Variants in SH3D19 observed in about 807,000 individuals in gnomAD.
The protein encoded by SH3D19 is SH3 domain containing 19.
Under a neutral mutation model 112.1 loss-of-function variants are expected in SH3D19, and 58 were observed. The ratio of observed to expected loss-of-function variants is 0.52; its 90% CI spans 0.42 to 0.64. The LOEUF (loss-of-function observed/expected upper bound fraction) is 0.64. SH3D19 is among the 30% of genes least tolerant of loss of function. The pLI, the probability that SH3D19 is intolerant of heterozygous loss-of-function variation, is 0.00. For synonymous variants in SH3D19, 391 were observed against 448.5 expected (o/e 0.87, Z 1.62); for missense variants, 1,090 against 1,263.4 (o/e 0.86, Z 2.08).
chr4:151,152,516 C>CTT lies in SH3D19; in HGVS notation c.1756-2957_1756-2956dup, dbSNP rs1177292502. ...CAGTTTTTTGCTATTCTCTCTCTCT[C>CTT]TTTTTTTTTTTTTTTTTTTCTGAGA... On this transcript the variant is annotated intron_variant, in intron 9 of 19. Coordinates refer to ENST00000604030, the MANE Select transcript of SH3D19 (RefSeq NM_001378122.1). Among the ~76,000 whole-genome samples the CTT allele has an allele frequency of 6.2e-3, 783 of 127,134 alleles. 9 individuals carry two copies. Among genetic ancestry groups the CTT allele is most frequent in the African/African-American group, 0.013 (409 of 31,612 alleles). The allele number at this position is 127,134 out of a possible 152,430, so 83.4% of individuals were successfully genotyped here. A position where few individuals can be genotyped will look rare whatever the true frequency, so the allele number is the denominator to read the frequency against.
At chr4:151,291,048 C>A in intron 1 of SH3D19, 1 of 1,221,920 alleles carries the variant, frequency 8.2e-7, no homozygotes, top group Non-Finnish European at 1.1e-6. Context: ...AAGAATTCTC[C>A]ACCCCTTATT....
chr4:151,279,187 AG>A, intron 1 of SH3D19: 38 of 304,748 alleles, frequency 1.2e-4, no homozygotes, highest in South Asian at 1.8e-4. Context: ...ACAGGTCACC[AG>A]CACACTAGAG....
At chr4:151,153,414 T>C (rs1008343487) in intron 9 of SH3D19, among the ~76,000 whole-genome samples, 1 of 151,644 alleles carries the variant, frequency 6.6e-6, no homozygotes, top group Non-Finnish European at 1.5e-5. Context: ...ACCTGGCTAA[T>C]TTTGTATTTT....
intron 3 of SH3D19, among the ~76,000 whole-genome samples, chr4:151,183,910 C>T (rs1761328237): frequency 6.6e-6 from 1 of 152,322 alleles, no homozygotes; most frequent in South Asian, 2.1e-4. Context: ...CTTAACCTTT[C>T]TGGGACTCAG....
At chr4:151,184,000 C>T (rs12500168) in intron 3 of SH3D19, among the ~76,000 whole-genome samples, 132,164 of 152,186 alleles carry the variant, frequency 0.87, 58,123 homozygotes, top group Non-Finnish European at 0.95. Context: ...GTTCCTGACT[C>T]ATGGTAGGTA....
intron 1 of SH3D19, among the ~76,000 whole-genome samples, chr4:151,294,644 G>A (rs1056433641): frequency 2.0e-5 from 3 of 152,192 alleles, no homozygotes; most frequent in African/African-American, 4.8e-5. Context: ...GTATGTCTAC[G>A]TGCATTCAAC....
chr4:151,234,389 T>C (rs571589339), intron 1 of SH3D19, among the ~76,000 whole-genome samples: 132 of 152,300 alleles, frequency 8.7e-4, no homozygotes, highest in Middle Eastern at 6.8e-3. Context: ...CCCTTTTCAC[T>C]GCAGGGTGAA....
At chr4:151,155,692 C>A (rs1755971558) in intron 9 of SH3D19, among the ~76,000 whole-genome samples, 2 of 152,072 alleles carry the variant, frequency 1.3e-5, no homozygotes, top group South Asian at 4.1e-4. Context: ...TCAAGACCAG[C>A]CTGGCCAACA....
At chr4:151,131,570 T>A (rs1393949810) in intron 17 of SH3D19, among the ~76,000 whole-genome samples, 1 of 150,984 alleles carries the variant, frequency 6.6e-6, no homozygotes, top group African/African-American at 2.4e-5. Context: ...CACTGCAAAC[T>A]CTGCCCCCCG....
intron 1 of SH3D19, among the ~76,000 whole-genome samples, chr4:151,237,982 A>T (rs968397222): frequency 6.6e-6 from 1 of 152,192 alleles, no homozygotes; most frequent in African/African-American, 2.4e-5. Flanking sequence ...GAAAATTAAT[A>T]AATCTGATTT....
chr4:151,309,862 T>C (rs941983227), intron 1 of SH3D19, among the ~76,000 whole-genome samples: 4 of 152,132 alleles, frequency 2.6e-5, no homozygotes, highest in African/African-American at 7.2e-5. Context: ...TGGTGGCACA[T>C]ACTTGTAGTC....
At chr4:151,282,316 T>C in intron 1 of SH3D19, 1 of 1,613,968 alleles carries the variant, frequency 6.2e-7, no homozygotes, top group Admixed American at 1.7e-5. Flanking sequence ...CCTTCACTTC[T>C]GCCATCCTGC....
intron 1 of SH3D19, among the ~76,000 whole-genome samples, chr4:151,320,504 A>G (rs1310350189): frequency 2.6e-5 from 4 of 152,178 alleles, no homozygotes; most frequent in Admixed American, 2.6e-4. Flanking sequence ...AGGGGGGAAG[A>G]GACACAAATT....
intron 2 of SH3D19, among the ~76,000 whole-genome samples, chr4:151,222,963 G>A (rs934072648): frequency 1.0e-4 from 15 of 149,540 alleles, no homozygotes; most frequent in African/African-American, 3.2e-4. Flanking sequence ...CAACGCGCCC[G>A]GCCTCTTTGG....
Position 151,255,689 on chromosome 4 carries a change from A to T in SH3D19, c.113-29603T>A, listed in dbSNP as rs544578980. 2.2e-4 allele frequency among the ~76,000 whole-genome samples: 34 copies of T among 152,086 alleles called. No individual in the cohort carries two copies. The South Asian group carries it at 7.1e-3, about 32-fold the overall frequency. On this transcript the variant is annotated intron_variant, in intron 1 of 19. Coordinates refer to ENST00000604030, the MANE Select transcript of SH3D19 (RefSeq NM_001378122.1). ...GCCAAGGCAGGCGGCTGGGAGGTGG[A>T]GGTTGTAGCCAGCCGAGATCACGCC...
At position 151,175,629 on chromosome 4, in the gene SH3D19, G is replaced by C. The variant is rs144378586; in HGVS notation, c.575C>G (p.Ser192Trp). 1.3e-3 allele frequency: 1,680 copies of C among 1,313,194 alleles called. 21 individuals carry two copies. The East Asian group carries it at 0.025, about 20-fold the overall frequency. The allele number at this position is 1,313,194 out of a possible 1,614,324, so 81.3% of individuals were successfully genotyped here. A position where few individuals can be genotyped will look rare whatever the true frequency, so the allele number is the denominator to read the frequency against. ...LKPLQPFSAVSSGNLPTNVAP... is the reference protein window; with the variant it reads ...LKPLQPFSAVWSGNLPTNVAP... ...CACATTTGTTGGAAGATTGCCAGAC[G>C]AGACTGCTGAGAAAGGCTGAAGAGG... is the stretch of plus-strand genomic sequence containing the variant. Residue 192 changes from serine to tryptophan, a missense_variant, in exon 7 of 20, where the codon TCG becomes TGG. Coordinates refer to ENST00000604030, the MANE Select transcript of SH3D19 (RefSeq NM_001378122.1).
chr4:151,227,206 C>A (rs1769141498), intron 1 of SH3D19, among the ~76,000 whole-genome samples: 1 of 151,858 alleles, frequency 6.6e-6, no homozygotes. Context: ...GCTGTTAGAA[C>A]AGAATAAGAG....
chr4:151,155,656 C>T lies in SH3D19; in HGVS notation c.1755+3584G>A, dbSNP rs1016223798. Among the ~76,000 whole-genome samples the T allele has an allele frequency of 3.9e-5, 6 of 152,214 alleles. No individual in the cohort carries two copies. In the South Asian group the frequency reaches 6.2e-4, roughly 16 times the overall value. Reference sequence around the variant, plus strand: ...ATCCTGGCACTCTGAGAGGCCGAGGCGGATGGACCATTTGAGGTCAGGAGT... The same window carrying T: ...ATCCTGGCACTCTGAGAGGCCGAGGTGGATGGACCATTTGAGGTCAGGAGT... On this transcript the variant is annotated intron_variant, in intron 9 of 19. Coordinates refer to ENST00000604030, the MANE Select transcript of SH3D19 (RefSeq NM_001378122.1).
intron 7 of SH3D19, among the ~76,000 whole-genome samples, chr4:151,172,159 C>G (rs1000011036): frequency 1.3e-5 from 2 of 152,088 alleles, no homozygotes; most frequent in African/African-American, 4.8e-5. Flanking sequence ...TGCCTGGTGT[C>G]TGGATGATTA....
Sources: gnomAD v4.1 joint callset for allele counts (sites outside exome capture counted in the v4.1 genomes callset) on GRCh38, gnomAD v4.1.1 for gene constraint, MANE v1.5 for transcripts, NCBI Gene and HGNC (gene_info 2026-07-23, HGNC 2026-07-21) for gene names.